The following UGCG variants were observed in gnomAD, a reference collection of about 807,000 sequenced individuals.
The protein encoded by UGCG is ceramide glucosyltransferase.
In UGCG, 10 loss-of-function variants were observed where a neutral mutation model predicts 49.5. The ratio of observed to expected loss-of-function variants is 0.20; its 90% CI spans 0.12 to 0.34. The LOEUF is 0.34. Ranked by LOEUF, UGCG falls within the 10% of genes least tolerant of loss-of-function variation. UGCG has a pLI of 1.00. For missense variants in UGCG, 312 were observed against 483.7 expected (o/e 0.65, Z 3.33); for synonymous variants, 182 against 158.2 (o/e 1.15, Z -1.13).
At chr9:111,897,348 G>C in intron 1 of UGCG, 35 bp downstream of exon 1, 2 of 1,512,106 alleles carry the variant, frequency 1.3e-6, no homozygotes, top group Non-Finnish European at 1.8e-6. Flanking sequence ...CTCGGGGCAG[G>C]GGTCCGGGCC....
intron 2 of UGCG, among the ~76,000 whole-genome samples, chr9:111,918,011 A>G (rs72757806): frequency 6.6e-6 from 1 of 150,806 alleles, no homozygotes; most frequent in African/African-American, 2.4e-5. Flanking sequence ...CATAACTATG[A>G]TTTTTTTTTC....
intron 3 of UGCG, 41 bp downstream of exon 3, chr9:111,922,992 T>G: frequency 7.6e-7 from 1 of 1,322,128 alleles, no homozygotes; most frequent in Non-Finnish European, 1.1e-6. Flanking sequence ...CCATTGATAG[T>G]ATTAAGTATC....
chr9:111,931,187 T>C, intron 6 of UGCG, 84 bp from the exon 7 acceptor site: 1 of 1,370,990 alleles, frequency 7.3e-7, no homozygotes, highest in Non-Finnish European at 1.0e-6. Flanking sequence ...TGCCTGGTCT[T>C]TATAATGATT....
At chr9:111,913,974 A>G (rs918094792) in intron 1 of UGCG, among the ~76,000 whole-genome samples, 1 of 152,018 alleles carries the variant, frequency 6.6e-6, no homozygotes, top group African/African-American at 2.4e-5. Context: ...CAGTTGTCCC[A>G]TTATCTTGCT....
intron 1 of UGCG, among the ~76,000 whole-genome samples, chr9:111,911,925 T>TATATATATATATATTCAACAGG: frequency 4.1e-5 from 1 of 24,678 alleles, no homozygotes; most frequent in South Asian, 1.1e-3. Flanking sequence ...TATATATATA[T>TATATATATATATATTCAACAGG]ATATATATAT....
intron 7 of UGCG, 74 bp from the exon 8 acceptor site, chr9:111,932,096 T>C (rs1051225723): frequency 2.0e-6 from 3 of 1,474,050 alleles, no homozygotes; most frequent in African/African-American, 1.4e-5. Flanking sequence ...AAATTGATTA[T>C]TTGAGGGAAA....
At chr9:111,904,787 G>T (rs756786995) in intron 1 of UGCG, among the ~76,000 whole-genome samples, 1 of 152,106 alleles carries the variant, frequency 6.6e-6, no homozygotes, top group Non-Finnish European at 1.5e-5. Context: ...ACTTGAACTC[G>T]GGAGGTGGAG....
At chr9:111,927,699 C>T (rs1267927415) in intron 5 of UGCG, among the ~76,000 whole-genome samples, 3 of 152,150 alleles carry the variant, frequency 2.0e-5, no homozygotes, top group Non-Finnish European at 4.4e-5. Context: ...GATCCACCCT[C>T]CTCTGCCTCC....
intron 1 of UGCG, among the ~76,000 whole-genome samples, chr9:111,907,876 G>T (rs1216570765): frequency 1.3e-5 from 2 of 152,010 alleles, no homozygotes; most frequent in Admixed American, 6.6e-5. Context: ...TTATCCTCCC[G>T]CCTTGGCCTC....
chr9:111,903,416 T>C (rs1456648126), intron 1 of UGCG, among the ~76,000 whole-genome samples: 1 of 150,864 alleles, frequency 6.6e-6, no homozygotes, highest in Non-Finnish European at 1.5e-5. Flanking sequence ...AATACAAAAA[T>C]TAGCTGGGTG....
intron 1 of UGCG, among the ~76,000 whole-genome samples, chr9:111,900,476 ATGTGTGTGTG>A (rs10551745): frequency 1.9e-4 from 28 of 150,674 alleles, no homozygotes; most frequent in Admixed American, 7.9e-4. Flanking sequence ...GTATATGTAT[ATGTGTGTGTG>A]TGTGTGTGTG....
At chr9:111,911,077 A>G (rs570227047) in intron 1 of UGCG, among the ~76,000 whole-genome samples, 1 of 152,212 alleles carries the variant, frequency 6.6e-6, no homozygotes, top group East Asian at 1.9e-4. Flanking sequence ...TATTTCACTG[A>G]GGACTGAATC....
intron 1 of UGCG, among the ~76,000 whole-genome samples, chr9:111,904,192 C>T (rs148234232): frequency 1.4e-3 from 207 of 152,332 alleles, no homozygotes; most frequent in Non-Finnish European, 2.4e-3. Context: ...TGCCTCTTGC[C>T]TCACCTCGTA....
At chr9:111,932,036 A>C (rs1256465336) in intron 7 of UGCG, 134 bp from the exon 8 acceptor site, 6 of 918,954 alleles carry the variant, frequency 6.5e-6, no homozygotes, top group South Asian at 5.8e-5. Context: ...AAAAAAAAAA[A>C]CAAAACAAAA....
chr9:111,931,209 A>C, intron 6 of UGCG, 62 bp from the exon 7 acceptor site: 1 of 1,512,354 alleles, frequency 6.6e-7, no homozygotes, highest in East Asian at 2.3e-5. Flanking sequence ...CTGAATGCAT[A>C]ACCAGTTACG....
intron 1 of UGCG, among the ~76,000 whole-genome samples, chr9:111,913,513 A>G (rs1471099645): frequency 6.6e-6 from 1 of 151,852 alleles, no homozygotes; most frequent in Non-Finnish European, 1.5e-5. Context: ...GGCTCACTGC[A>G]ACCTCCACCC....
intron 2 of UGCG, among the ~76,000 whole-genome samples, chr9:111,918,547 T>C (rs1838152411): frequency 6.6e-6 from 1 of 152,212 alleles, no homozygotes; most frequent in African/African-American, 2.4e-5. Context: ...TTTTTTTGGA[T>C]AATATGAATA....
Position 111,924,781 on chromosome 9 carries a change from C to CA in UGCG, c.354dup (p.Val119SerfsTer4). 4 of 1,516,738 alleles carry CA rather than the reference C, an allele frequency of 2.6e-6. No individual in the cohort carries two copies. Among genetic ancestry groups the CA allele is most frequent in the Admixed American group, 2.3e-5 (1 of 43,604 alleles). The allele number at this position is 1,516,738 out of a possible 1,614,324, so 94.0% of individuals were successfully genotyped here. A position where few individuals can be genotyped will look rare whatever the true frequency, so the allele number is the denominator to read the frequency against. ...ACTGTACCTTTACATTTTTAGGTGG[C>CA]AAAAAAGTTGGCATTAATCCTAAAA... On this transcript the variant is annotated frameshift_variant, in exon 4 of 9. Coordinates refer to ENST00000374279, the MANE Select transcript of UGCG (RefSeq NM_003358.3). LOFTEE classifies it high-confidence loss of function.
At chr9:111,920,741 A>G (rs1240659877) in intron 2 of UGCG, among the ~76,000 whole-genome samples, 1 of 152,200 alleles carries the variant, frequency 6.6e-6, no homozygotes, top group Non-Finnish European at 1.5e-5. Flanking sequence ...CACAGGCACT[A>G]TAAACATTTT....
Sources: allele counts gnomAD v4.1 joint callset (sites outside exome capture counted in the v4.1 genomes callset), GRCh38; gene constraint gnomAD v4.1.1; transcripts MANE v1.5; gene names NCBI Gene and HGNC (gene_info 2026-07-23, HGNC 2026-07-21).